CCDC47: variants seen among roughly 807,000 people sequenced by gnomAD.
The protein encoded by CCDC47 is coiled-coil domain containing 47.
Under a neutral mutation model 60.5 loss-of-function variants are expected in CCDC47, and 41 were observed. The observed-to-expected ratio is 0.68, with a 90% CI of 0.53 to 0.88. The LOEUF (loss-of-function observed/expected upper bound fraction) is 0.88. Among genes scored for constraint, CCDC47 ranks in the 40% least tolerant of loss-of-function variants. The pLI is 0.00. For synonymous variants in CCDC47, 195 were observed against 190.7 expected (o/e 1.02, Z -0.18); for missense variants, 513 against 580.9 (o/e 0.88, Z 1.20).
chr17:63,764,991 G>A (rs770698020), intron 2 of CCDC47, 144 bp from the exon 3 acceptor site: 3 of 1,416,642 alleles, frequency 2.1e-6, no homozygotes, highest in South Asian at 1.6e-5. Flanking sequence ...TTAACAAAAC[G>A]ATTGGGTACA....
At chr17:63,765,784 G>T in intron 2 of CCDC47, 128 bp downstream of exon 2, 28 of 1,340,944 alleles carry the variant, frequency 2.1e-5, no homozygotes, top group Non-Finnish European at 2.8e-5. Flanking sequence ...ATTTAGAAGA[G>T]CTCTACCTAG....
At chr17:63,755,014 A>C (rs2039195061) in intron 8 of CCDC47, among the ~76,000 whole-genome samples, 2 of 152,156 alleles carry the variant, frequency 1.3e-5, no homozygotes, top group Non-Finnish European at 2.9e-5. Context: ...TCTCTTACCC[A>C]GGCTAGAGTG....
chr17:63,766,867 C>T (rs1031656027), intron 1 of CCDC47: 1 of 980,140 alleles, frequency 1.0e-6, no homozygotes, highest in Admixed American at 6.2e-5. Context: ...TAAGATGTAG[C>T]TATTTATCTG....
At chr17:63,756,673 T>A in intron 6 of CCDC47, 103 bp from the exon 7 acceptor site, 1 of 745,692 alleles carries the variant, frequency 1.3e-6, no homozygotes, top group South Asian at 1.7e-5. Context: ...GTGCATATAC[T>A]CTCCCTTTAA....
intron 12 of CCDC47, 167 bp downstream of exon 12, chr17:63,751,773 A>G: frequency 1.4e-6 from 1 of 726,578 alleles, no homozygotes; most frequent in Admixed American, 2.1e-5. Context: ...CGGCTTGAAC[A>G]GGAAGGATTA....
At chr17:63,764,681 G>T in intron 3 of CCDC47, 59 bp downstream of exon 3, 2 of 1,422,066 alleles carry the variant, frequency 1.4e-6, no homozygotes, top group Admixed American at 3.6e-5. Context: ...TTTTATTTCT[G>T]GGATTGATGA....
Position 63,754,456 on chromosome 17 carries a change from G to GAACT in CCDC47, c.1007_1010dup (p.Phe337LeufsTer19). 6.2e-7 allele frequency: 1 copy of GAACT among 1,603,550 alleles called. No homozygotes were observed. The highest frequency in any genetic ancestry group is 8.5e-7 in the Non-Finnish European group (1 of 1,172,218). On this transcript the variant is annotated frameshift_variant, in exon 9 of 13. Coordinates refer to ENST00000225726, the MANE Select transcript of CCDC47 (RefSeq NM_020198.3). LOFTEE classifies it high-confidence loss of function. ...ACTCTTGCATAATTTTTGGACCAGA[G>GAACT]AACTGGTCTGAAAAATGAACAGATT...
At chr17:63,750,914 GCC>G (rs1468660005) in intron 12 of CCDC47, among the ~76,000 whole-genome samples, 1 of 147,018 alleles carries the variant, frequency 6.8e-6, no homozygotes, top group African/African-American at 2.5e-5. Flanking sequence ...TTTTTTGGCT[GCC>G]CAGGCTAGAG....
chr17:63,765,779 G>T, intron 2 of CCDC47, 133 bp downstream of exon 2: 1 of 1,351,670 alleles, frequency 7.4e-7, no homozygotes, highest in Non-Finnish European at 1.0e-6. Context: ...AGAACATTTA[G>T]AAGAGCTCTA....
rs1568253128 is a variant in CCDC47 at position 63,771,009 on chromosome 17, A to AAGGAAGGAAGGAAGG, written c.-20+2402_-20+2403insCCTTCCTTCCTTCCT. Among the ~76,000 whole-genome samples the AAGGAAGGAAGGAAGG allele has an allele frequency of 6.5e-4, 45 of 69,150 alleles. 1 individual carries two copies. The highest frequency in any genetic ancestry group is 2.4e-3 in the African/African-American group (43 of 17,774). The allele number at this position is 69,150 out of a possible 152,430, so 45.4% of individuals were successfully genotyped here. A position where few individuals can be genotyped will look rare whatever the true frequency, so the allele number is the denominator to read the frequency against. ...TCAAAAAAAAAAAAAAGAAAGAAAGAAAGAAAGGAAGGAAGGAAGGAAGGA... is the reference window on the plus strand; with the variant it reads ...TCAAAAAAAAAAAAAAGAAAGAAAGAAGGAAGGAAGGAAGGAAGAAAGGAAGGAAGGAAGGAAGGA... On this transcript the variant is annotated intron_variant, in intron 1 of 12. Transcript: ENST00000225726.
intron 12 of CCDC47, 134 bp from the exon 13 acceptor site, chr17:63,747,095 A>T: frequency 7.2e-7 from 1 of 1,390,076 alleles, no homozygotes; most frequent in Admixed American, 3.0e-5. Context: ...TTAGGCTTGC[A>T]CCATAACATT....
intron 4 of CCDC47, chr17:63,761,783 T>G (rs543667231): frequency 3.1e-6 from 3 of 971,780 alleles, no homozygotes; most frequent in South Asian, 4.8e-5. Flanking sequence ...TAGCAATACT[T>G]TGCTGTCTTA....
chr17:63,773,190 C>G lies in CCDC47; in HGVS notation c.-20+222G>C, dbSNP rs377664824. 9.8e-5 allele frequency among the ~76,000 whole-genome samples: 15 copies of G among 152,362 alleles called. 1 individual carries two copies. In the East Asian group the frequency reaches 2.7e-3, roughly 27 times the overall value. On this transcript the variant is annotated intron_variant, in intron 1 of 12. Transcript: ENST00000225726. Reference sequence around the variant, plus strand: ...TAAACCCCTTTGCCTAGTTTCTCCCCACCCAAGAGAATCAATACATCCTAA... The same window carrying G: ...TAAACCCCTTTGCCTAGTTTCTCCCGACCCAAGAGAATCAATACATCCTAA...
At chr17:63,754,118 A>C (rs2039187229) in intron 9 of CCDC47, among the ~76,000 whole-genome samples, 1 of 152,054 alleles carries the variant, frequency 6.6e-6, no homozygotes, top group Admixed American at 6.6e-5. Context: ...ACAAACAAAA[A>C]ACAAAACAAA....
Position 63,752,732 on chromosome 17 carries a change from A to C in CCDC47, c.1093+9T>G. On this transcript the variant is annotated intron_variant, in intron 10 of 12. Transcript: ENST00000225726. Reference sequence around the variant, plus strand: ...GACTAAGAACCCAGAAAGGACCCAGAATACTTACCATTAAATGTAAACAAC... The same window carrying C: ...GACTAAGAACCCAGAAAGGACCCAGCATACTTACCATTAAATGTAAACAAC... 1 of 1,609,828 alleles carries C rather than the reference A, an allele frequency of 6.2e-7. No homozygotes were observed.
chr17:63,755,557 C>T (rs1047157886), intron 8 of CCDC47, among the ~76,000 whole-genome samples: 11 of 151,172 alleles, frequency 7.3e-5, no homozygotes, highest in African/African-American at 1.5e-4. Context: ...AAATAATGGT[C>T]GAAACAAGAA....
At chr17:63,759,668 CACAT>C (rs1369778069) in intron 6 of CCDC47, among the ~76,000 whole-genome samples, 2 of 148,160 alleles carry the variant, frequency 1.3e-5, no homozygotes, top group Non-Finnish European at 3.0e-5. Context: ...TTCACACTTT[CACAT>C]ATATACATAT....
chr17:63,770,467 T>C (rs1037442244), intron 1 of CCDC47, among the ~76,000 whole-genome samples: 7 of 152,152 alleles, frequency 4.6e-5, no homozygotes, highest in African/African-American at 1.2e-4. Context: ...AAATCATTAC[T>C]GGCAACTGCA....
intron 6 of CCDC47, among the ~76,000 whole-genome samples, chr17:63,759,294 G>C (rs1374490849): frequency 2.0e-5 from 3 of 150,418 alleles, no homozygotes; most frequent in African/African-American, 7.3e-5. Flanking sequence ...TTCGAGACCA[G>C]CCTGACCAAC....
Sources: allele counts gnomAD v4.1 joint callset (sites outside exome capture counted in the v4.1 genomes callset), GRCh38; gene constraint gnomAD v4.1.1; transcripts MANE v1.5; gene names NCBI Gene and HGNC (gene_info 2026-07-23, HGNC 2026-07-21).